Variants in ABCC5 observed in about 807,000 individuals in gnomAD.
ABCC5 encodes the protein ATP binding cassette subfamily C member 5, also known as ATP-binding cassette sub-family C member 5.
A neutral mutation model predicts 160.9 loss-of-function variants in ABCC5; 61 were observed. The observed-to-expected ratio is 0.38, with a 90% CI of 0.31 to 0.47. The LOEUF is 0.47. ABCC5 is among the 20% of genes least tolerant of loss of function. ABCC5 has a pLI of 0.99. For synonymous variants in ABCC5, 666 were observed against 700.6 expected (o/e 0.95, Z 0.78); for missense variants, 1,308 against 1,813.3 (o/e 0.72, Z 5.06).
At chr3:183,967,619 G>T in intron 12 of ABCC5, 76 bp downstream of exon 12, 1 of 1,311,632 alleles carries the variant, frequency 7.6e-7, no homozygotes, top group South Asian at 1.2e-5. Flanking sequence ...TGACTCTCCA[G>T]GAAATTTGTT....
intron 2 of ABCC5, among the ~76,000 whole-genome samples, chr3:184,013,812 C>T (rs1326107954): frequency 1.3e-5 from 2 of 152,158 alleles, no homozygotes; most frequent in African/African-American, 2.4e-5. Context: ...TGAGTGCTTA[C>T]TATGGACCAG....
chr3:183,930,619 T>C lies in ABCC5; in HGVS notation c.3855-1794A>G, dbSNP rs113311136. Among the ~76,000 whole-genome samples the C allele has an allele frequency of 6.3e-3, 957 of 152,216 alleles. 11 individuals carry two copies. The highest frequency in any genetic ancestry group is 0.022 in the African/African-American group (910 of 41,542). On this transcript the variant is annotated intron_variant, in intron 26 of 29. Transcript: ENST00000334444. ...TGGCCACGTGAAGGCAGAGAAACACTGGGAGGGCATCATGTGACAATGGAG... is the reference window on the plus strand; with the variant it reads ...TGGCCACGTGAAGGCAGAGAAACACCGGGAGGGCATCATGTGACAATGGAG...
intron 14 of ABCC5, among the ~76,000 whole-genome samples, chr3:183,964,311 CCAAA>C (rs1361524690): frequency 2.6e-5 from 4 of 152,154 alleles, no homozygotes; most frequent in Admixed American, 6.5e-5. Flanking sequence ...ATTCTTAGTG[CCAAA>C]CAGTGTCTGC....
intron 2 of ABCC5, among the ~76,000 whole-genome samples, chr3:183,997,973 C>T (rs1315113573): frequency 6.6e-6 from 1 of 152,018 alleles, no homozygotes; most frequent in East Asian, 1.9e-4. Flanking sequence ...TTTGTAGAGA[C>T]GGGTTCTTAC....
chr3:183,961,392 G>A, intron 16 of ABCC5, 119 bp downstream of exon 16: 1 of 1,283,604 alleles, frequency 7.8e-7, no homozygotes, highest in South Asian at 1.5e-5. Flanking sequence ...CCAGAAAACA[G>A]GGCCCCTGCC....
chr3:183,949,207 G>C lies in ABCC5; in HGVS notation c.3227+546C>G, dbSNP rs1161929187. 3.0e-4 allele frequency among the ~76,000 whole-genome samples: 45 copies of C among 152,130 alleles called. No homozygotes were observed. Among genetic ancestry groups the C allele is most frequent in the African/African-American group, 1.1e-3 (44 of 41,416 alleles). On this transcript the variant is annotated intron_variant, in intron 22 of 29. Coordinates refer to ENST00000334444, the MANE Select transcript of ABCC5 (RefSeq NM_005688.4). The surrounding 1 kb of genome is among the most constrained non-coding windows in gnomAD (Gnocchi z 4.2). ...CTTATTCAACCTGTCCTATATTGAA[G>C]AACATTTTAGTTCCAATCTCTTATT...
At chr3:183,943,893 A>T (rs1714598337) in intron 24 of ABCC5, among the ~76,000 whole-genome samples, 1 of 152,230 alleles carries the variant, frequency 6.6e-6, no homozygotes, top group Admixed American at 6.5e-5. Context: ...GACAGTGTGC[A>T]AAGAGGCTAA....
chr3:183,965,369 T>C lies in ABCC5; in HGVS notation c.1958+8A>G, dbSNP rs778638450. On this transcript the variant is annotated splice_region_variant and intron_variant, in intron 13 of 29. Transcript: ENST00000334444. Reference sequence around the variant, plus strand: ...TGGAAAGCATGACAGAAGCCAAACATTCCTTGCCTTTCTTCATCATATTCC... The same window carrying C: ...TGGAAAGCATGACAGAAGCCAAACACTCCTTGCCTTTCTTCATCATATTCC... The C allele has an allele frequency of 3.1e-6, 5 of 1,614,018 alleles. No homozygotes were observed. Among genetic ancestry groups the C allele is most frequent in the Non-Finnish European group, 4.2e-6 (5 of 1,180,024 alleles).
chr3:184,005,503 A>T (rs185967265), intron 2 of ABCC5, among the ~76,000 whole-genome samples: 23 of 152,310 alleles, frequency 1.5e-4, no homozygotes, highest in African/African-American at 5.5e-4. Flanking sequence ...AATTAACTTC[A>T]CATTAGTCTG....
intron 2 of ABCC5, chr3:184,009,888 C>A: frequency 2.6e-6 from 1 of 382,658 alleles, no homozygotes; most frequent in Non-Finnish European, 5.3e-6. Context: ...GTGCCACATG[C>A]CTGTAATCCC....
intron 2 of ABCC5, among the ~76,000 whole-genome samples, chr3:184,002,255 C>T (rs1205561016): frequency 3.3e-5 from 5 of 151,820 alleles, no homozygotes; most frequent in African/African-American, 4.8e-5. Flanking sequence ...AAAAATAAGC[C>T]GGGTATGGTG....
chr3:183,924,010 C>CTT lies in ABCC5; in HGVS notation c.4212+1543_4212+1544dup, dbSNP rs200040197. 9.6e-3 allele frequency among the ~76,000 whole-genome samples: 1,076 copies of CTT among 112,614 alleles called. 72 individuals carry two copies. Among genetic ancestry groups the CTT allele is most frequent in the African/African-American group, 0.03 (758 of 25,194 alleles). The allele number at this position is 112,614 out of a possible 152,430, so 73.9% of individuals were successfully genotyped here. ...AAATCCCACCAATTTTTACTGTTTG[C>CTT]TTTTTTTTTTTTTTTTTTTTTTTGA... On this transcript the variant is annotated intron_variant, in intron 29 of 29. Coordinates refer to ENST00000334444, the MANE Select transcript of ABCC5 (RefSeq NM_005688.4).
In ABCC5 at chr3:183,982,211, G is replaced by A. The variant is rs1718809311; in HGVS notation, c.999+240C>T. Among the ~76,000 whole-genome samples, 1 of 152,068 alleles carries A rather than the reference G, an allele frequency of 6.6e-6. No individual in the cohort carries two copies. Among genetic ancestry groups the A allele is most frequent in the Non-Finnish European group, 1.5e-5 (1 of 68,018 alleles). On this transcript the variant is annotated intron_variant, in intron 7 of 29. Transcript: ENST00000334444. The surrounding 1 kb of genome is among the most constrained non-coding windows in gnomAD (Gnocchi z 5.2). ...ACTCAAACACTCCTATGTCAAGTGGGACAGGGTTCACCAGCTGACCTTCTC... is the reference window on the plus strand; with the variant it reads ...ACTCAAACACTCCTATGTCAAGTGGAACAGGGTTCACCAGCTGACCTTCTC...
At chr3:183,940,825 A>G (rs1339130672) in intron 25 of ABCC5, among the ~76,000 whole-genome samples, 1 of 152,092 alleles carries the variant, frequency 6.6e-6, no homozygotes, top group Non-Finnish European at 1.5e-5. Context: ...AAGAAGCCCT[A>G]TTAGAACCGG....
intron 10 of ABCC5, 66 bp from the exon 11 acceptor site, chr3:183,971,985 G>C: frequency 6.2e-7 from 1 of 1,605,876 alleles, no homozygotes; most frequent in Non-Finnish European, 8.5e-7. Flanking sequence ...GACAAGCCTA[G>C]GGCGTACACT....
Position 183,987,689 on chromosome 3 carries a change from A to G in ABCC5, c.591+81T>C, listed in dbSNP as rs28365006. 1.6e-3 allele frequency: 2,481 copies of G among 1,590,002 alleles called. 6 individuals carry two copies. The highest frequency in any genetic ancestry group is 1.7e-3 in the Non-Finnish European group (1,932 of 1,164,478). On this transcript the variant is annotated intron_variant, in intron 5 of 29. Coordinates refer to ENST00000334444, the MANE Select transcript of ABCC5 (RefSeq NM_005688.4). The surrounding 1 kb of genome is among the most constrained non-coding windows in gnomAD (Gnocchi z 4.2). ...GCTACCTAGCCCAAAGCTGAGCACA[A>G]CCTCTGCAACAGAATAAGAGTGTTA...
intron 24 of ABCC5, among the ~76,000 whole-genome samples, chr3:183,945,250 C>A (rs2108787012): frequency 6.6e-6 from 1 of 152,288 alleles, no homozygotes; most frequent in East Asian, 1.9e-4. Context: ...TTTAAGAGTG[C>A]CAGTTAGGAC....
intron 5 of ABCC5, 72 bp from the exon 6 acceptor site, chr3:183,983,079 A>G (rs1471984461): frequency 7.2e-6 from 10 of 1,382,620 alleles, no homozygotes; most frequent in Non-Finnish European, 1.0e-6. Context: ...TTTTATGTTA[A>G]GTTAGAAAGA....
intron 25 of ABCC5, among the ~76,000 whole-genome samples, chr3:183,941,533 T>A (rs1192952769): frequency 1.3e-5 from 2 of 151,782 alleles, no homozygotes; most frequent in African/African-American, 4.8e-5. Flanking sequence ...TTTTTTTTTT[T>A]AATGGCAAGG....
Sources: allele counts gnomAD v4.1 joint callset (sites outside exome capture counted in the v4.1 genomes callset), GRCh38; gene constraint gnomAD v4.1.1; non-coding constraint Gnocchi (gnomAD v3.1); transcripts MANE v1.5; gene names NCBI Gene and HGNC (gene_info 2026-07-23, HGNC 2026-07-21).